The following MCCC2 variants were observed in gnomAD, a reference collection of about 807,000 sequenced individuals.
MCCC2 encodes methylcrotonoyl-CoA carboxylase beta chain, mitochondrial.
A neutral mutation model predicts 77.2 loss-of-function variants in MCCC2; 52 were observed. The ratio of observed to expected loss-of-function variants is 0.67; its 90% confidence interval spans 0.54 to 0.85. MCCC2 has a LOEUF of 0.85. Among genes scored for constraint, MCCC2 ranks in the 40% least tolerant of loss-of-function variants. MCCC2 has a pLI of 0.00. For missense variants in MCCC2, 682 were observed against 703.2 expected (o/e 0.97, Z 0.34); for synonymous variants, 253 against 248.4 (o/e 1.02, Z -0.18).
chr5:71,595,796 C>A (rs1240455887), intron 2 of MCCC2, among the ~76,000 whole-genome samples: 1 of 152,192 alleles, frequency 6.6e-6, no homozygotes, highest in African/African-American at 2.4e-5. Flanking sequence ...AAGTGTTCAA[C>A]TCACCCAGTT....
At chr5:71,643,516 GAC>G (rs1216560218) in intron 11 of MCCC2, among the ~76,000 whole-genome samples, 5 of 151,994 alleles carry the variant, frequency 3.3e-5, no homozygotes, top group African/African-American at 1.2e-4. Flanking sequence ...GTACATACTA[GAC>G]ACTCAGATAT....
chr5:71,606,314 G>A (rs1336919724), intron 6 of MCCC2, among the ~76,000 whole-genome samples: 1 of 151,208 alleles, frequency 6.6e-6, no homozygotes, highest in African/African-American at 2.4e-5. Context: ...TGGATTCCTA[G>A]GTATTTTATT....
rs1382014934 is a variant in MCCC2, at chr5:71,623,773, G to C, written c.625-2867G>C. Among the ~76,000 whole-genome samples the C allele has an allele frequency of 2.6e-5, 4 of 152,230 alleles. No homozygotes were observed. In the East Asian group the frequency reaches 7.7e-4, roughly 29 times the overall value. ...GTCCTTTTCTGAGCTTGTGTAGCTA[G>C]TGTCAGAGAGGTGGATTGCTGGTTT... On this transcript the variant is annotated intron_variant, in intron 6 of 16. Transcript: ENST00000340941.
intron 16 of MCCC2, 67 bp from the exon 17 acceptor site, chr5:71,656,676 C>T: frequency 8.2e-7 from 1 of 1,221,650 alleles, no homozygotes; most frequent in Non-Finnish European, 1.2e-6. Flanking sequence ...GGCATTTCTG[C>T]ACATGGAGAG....
intron 6 of MCCC2, among the ~76,000 whole-genome samples, chr5:71,625,566 T>C (rs915099547): frequency 1.3e-5 from 2 of 152,238 alleles, no homozygotes; most frequent in Admixed American, 6.5e-5. Context: ...TGTGAGTGTT[T>C]CCCTGTGCTC....
chr5:71,602,024 A>G (rs1257528467), intron 4 of MCCC2, among the ~76,000 whole-genome samples: 1 of 152,224 alleles, frequency 6.6e-6, no homozygotes, highest in Non-Finnish European at 1.5e-5. Context: ...ATGGGGCTGT[A>G]ATGTTGAAGA....
intron 12 of MCCC2, 127 bp from the exon 13 acceptor site, chr5:71,646,084 G>T: frequency 1.4e-6 from 1 of 732,842 alleles, no homozygotes; most frequent in Middle Eastern, 4.1e-4. Flanking sequence ...AAATTAATAA[G>T]AAGAGAAAAA....
intron 6 of MCCC2, among the ~76,000 whole-genome samples, chr5:71,608,645 C>T (rs895726928): frequency 6.6e-5 from 10 of 152,212 alleles, no homozygotes; most frequent in African/African-American, 2.4e-4. Flanking sequence ...ATTTTGCTTG[C>T]TAGTTGATGC....
chr5:71,635,073 T>G (rs1454837071), intron 9 of MCCC2, 31 bp downstream of exon 9: 1 of 1,613,272 alleles, frequency 6.2e-7, no homozygotes, highest in East Asian at 2.2e-5. Flanking sequence ...TATCTTTTAT[T>G]TTCCTGAAAT....
At chr5:71,592,271 C>T (rs888546792) in intron 1 of MCCC2, among the ~76,000 whole-genome samples, 3 of 152,096 alleles carry the variant, frequency 2.0e-5, no homozygotes, top group African/African-American at 4.8e-5. Context: ...GTCCCAGCTA[C>T]TTAGGAGGCT....
rs992444060 is a variant in MCCC2, at chr5:71,657,091, C to T, written c.*231C>T. On this transcript the variant is annotated 3_prime_UTR_variant, in exon 17 of 17. Coordinates refer to ENST00000340941, the MANE Select transcript of MCCC2 (RefSeq NM_022132.5). The stretch of plus-strand genomic sequence containing the variant: ...TGGCTCAGTTTTACCACCCATAAAG[C>T]GGAGACAGTAATTTACGGTTATCCT... 23 of 477,422 alleles carry T rather than the reference C, an allele frequency of 4.8e-5. No individual in the cohort carries two copies. The highest frequency in any genetic ancestry group is 6.1e-4 in the Middle Eastern group (1 of 1,646). The allele number at this position is 477,422 out of a possible 1,614,324, so 29.6% of individuals were successfully genotyped here. A position where few individuals can be genotyped will look rare whatever the true frequency, so the allele number is the denominator to read the frequency against.
rs1430127998 is a variant in MCCC2, at chr5:71,648,962, C to T, written c.1217-135C>T. 5.8e-5 allele frequency: 59 copies of T among 1,014,276 alleles called. No homozygotes were observed. In the East Asian group the frequency reaches 1.4e-3, roughly 24 times the overall value. The allele number at this position is 1,014,276 out of a possible 1,614,324, so 62.8% of individuals were successfully genotyped here. A position where few individuals can be genotyped will look rare whatever the true frequency, so the allele number is the denominator to read the frequency against. ...AAGCAAACTTTTTAACGGTATGTTT[C>T]ACATATAAACATTTTCTTAAGGCGA... On this transcript the variant is annotated intron_variant, in intron 13 of 16. Transcript: ENST00000340941.
intron 10 of MCCC2, among the ~76,000 whole-genome samples, chr5:71,637,771 T>C (rs931270642): frequency 6.6e-6 from 1 of 152,116 alleles, no homozygotes; most frequent in Non-Finnish European, 1.5e-5. Context: ...CAGGCTGGAG[T>C]GCAGTGGCGC....
At chr5:71,602,881 G>GT (rs201897217) in intron 5 of MCCC2, 40,045 of 377,640 alleles carry the variant, frequency 0.11, 4 homozygotes, top group South Asian at 0.16. Context: ...GTGTTGTGTG[G>GT]TTTTTTTTTT....
intron 6 of MCCC2, among the ~76,000 whole-genome samples, chr5:71,622,281 C>A (rs936051694): frequency 9.6e-5 from 14 of 145,632 alleles, no homozygotes; most frequent in Admixed American, 2.8e-4. Flanking sequence ...AAAAAAAAAA[C>A]AAAACAAAAC....
rs187975758 is a variant in MCCC2 at position 71,649,344 on chromosome 5, A to C, written c.1373+91A>C. On this transcript the variant is annotated intron_variant, in intron 14 of 16. Transcript: ENST00000340941. The stretch of plus-strand genomic sequence containing the variant: ...ATTTCAGGTGTATTTGAAATATAGA[A>C]TGCCATTCCCAGATCTCAATCAATT... The C allele has an allele frequency of 1.5e-3, 1,909 of 1,239,536 alleles. 33 individuals carry two copies. In the South Asian group the frequency reaches 0.017, roughly 11 times the overall value. 76.8% of individuals were successfully genotyped at this position (1,239,536 alleles called of 1,614,324 possible).
At chr5:71,617,895 T>G (rs936603720) in intron 6 of MCCC2, among the ~76,000 whole-genome samples, 1 of 152,256 alleles carries the variant, frequency 6.6e-6, no homozygotes, top group African/African-American at 2.4e-5. Context: ...ACTATAGACC[T>G]TCCAGGTTTC....
chr5:71,657,064 T>C lies in MCCC2; in HGVS notation c.*204T>C, dbSNP rs188884058. The stretch of plus-strand genomic sequence containing the variant: ...TTAAATTTTCTTAGAGAAATTTCTC[T>C]GTGGCTCAGTTTTACCACCCATAAA... On this transcript the variant is annotated 3_prime_UTR_variant, in exon 17 of 17. Coordinates refer to ENST00000340941, the MANE Select transcript of MCCC2 (RefSeq NM_022132.5). The C allele has an allele frequency of 4.4e-4, 225 of 514,430 alleles. No individual in the cohort carries two copies. Among genetic ancestry groups the C allele is most frequent in the African/African-American group, 3.5e-3 (183 of 51,900 alleles). 31.9% of individuals were successfully genotyped at this position (514,430 alleles called of 1,614,324 possible).
intron 1 of MCCC2, among the ~76,000 whole-genome samples, chr5:71,590,312 T>A (rs541035): frequency 0.42 from 63,610 of 152,024 alleles, 13,680 homozygotes; most frequent in South Asian, 0.47. Context: ...CTGTAGCCAG[T>A]ACTGGCTCTT....
Sources: gnomAD v4.1 joint callset for allele counts (sites outside exome capture counted in the v4.1 genomes callset) on GRCh38, gnomAD v4.1.1 for gene constraint, MANE v1.5 for transcripts, NCBI Gene and HGNC (gene_info 2026-07-23, HGNC 2026-07-21) for gene names.